PPP2R2B: variants seen among roughly 807,000 people sequenced by gnomAD.
The protein encoded by PPP2R2B is protein phosphatase 2 regulatory subunit Bbeta, also known as serine/threonine-protein phosphatase 2A 55 kDa regulatory subunit B beta isoform.
PPP2R2B carries 5 observed loss-of-function variants against 46.0 expected under a neutral mutation model. The ratio of observed to expected loss-of-function variants is 0.11; its 90% confidence interval spans 0.06 to 0.23. The LOEUF is 0.23. Ranked by LOEUF, PPP2R2B falls within the 10% of genes least tolerant of loss-of-function variation. The pLI is 1.00. For missense variants in PPP2R2B, 367 were observed against 575.0 expected (o/e 0.64, Z 3.70); for synonymous variants, 215 against 206.7 (o/e 1.04, Z -0.34).
At chr5:146,753,654 G>A (rs1287796588) in intron 2 of PPP2R2B, among the ~76,000 whole-genome samples, 1 of 152,122 alleles carries the variant, frequency 6.6e-6, no homozygotes, top group Non-Finnish European at 1.5e-5. Context: ...CTAAAGATAA[G>A]TGAGAAGTGG....
At chr5:146,951,974 CT>C (rs34746460) in intron 1 of PPP2R2B, among the ~76,000 whole-genome samples, 1,492 of 127,464 alleles carry the variant, frequency 0.012, 4 homozygotes, top group Middle Eastern at 0.018. Flanking sequence ...TACATAGAAT[CT>C]TTTTTTTTTT....
intron 7 of PPP2R2B, among the ~76,000 whole-genome samples, chr5:146,605,032 G>A (rs1772133145): frequency 6.6e-6 from 1 of 152,156 alleles, no homozygotes; most frequent in Admixed American, 6.5e-5. Flanking sequence ...AATCCAGGCT[G>A]GGCACAAGTC....
At chr5:146,936,008 C>T (rs1764127740) in intron 1 of PPP2R2B, among the ~76,000 whole-genome samples, 1 of 152,114 alleles carries the variant, frequency 6.6e-6, no homozygotes, top group South Asian at 2.1e-4. Context: ...CATATTTGTA[C>T]CTGGCAGATT....
chr5:146,882,830 A>G (rs2151423513), upstream of PPP2R2B, among the ~76,000 whole-genome samples: 1 of 152,346 alleles, frequency 6.6e-6, no homozygotes, highest in African/African-American at 2.4e-5. Flanking sequence ...ACTCTGAAAG[A>G]CTGACCTATT....
rs530249485 is a variant in PPP2R2B, at chr5:146,727,585, T to C, written c.71-26443A>G. 9.2e-5 allele frequency among the ~76,000 whole-genome samples: 14 copies of C among 152,220 alleles called. No individual in the cohort carries two copies. The South Asian group carries it at 2.7e-3, about 29-fold the overall frequency. On this transcript the variant is annotated intron_variant, in intron 2 of 9. Transcript: ENST00000394411. ...CCTATCAGGTAGAATGTACTCTATT[T>C]AGATAGGTGCAGTAACAGCCCGGAC...
At chr5:147,069,791 T>TTTTTTTG (rs1561611844) in intron 2 of PPP2R2B, among the ~76,000 whole-genome samples, 4 of 121,308 alleles carry the variant, frequency 3.3e-5, no homozygotes, top group Non-Finnish European at 5.1e-5. Context: ...TACTGTTTTT[T>TTTTTTTG]TTTTTTTTTT....
chr5:146,796,363 A>T (rs1388834262), intron 2 of PPP2R2B, among the ~76,000 whole-genome samples: 2 of 152,188 alleles, frequency 1.3e-5, no homozygotes, highest in Non-Finnish European at 2.9e-5. Context: ...CCTATGTGCA[A>T]TGCACTTTTT....
intron 1 of PPP2R2B, among the ~76,000 whole-genome samples, chr5:146,943,526 C>T (rs1394911335): frequency 6.6e-6 from 1 of 152,184 alleles, no homozygotes; most frequent in African/African-American, 2.4e-5. Flanking sequence ...CAGGGTTAAT[C>T]TTGACTCCAT....
intron 1 of PPP2R2B, among the ~76,000 whole-genome samples, chr5:146,891,272 CA>C (rs1281849528): frequency 2.0e-5 from 3 of 152,126 alleles, no homozygotes; most frequent in Admixed American, 1.3e-4. Context: ...ATTTGTGAAA[CA>C]AAGATTATAA....
At chr5:146,702,555 T>C (rs1779604863) in intron 2 of PPP2R2B, among the ~76,000 whole-genome samples, 1 of 152,228 alleles carries the variant, frequency 6.6e-6, no homozygotes, top group Admixed American at 6.5e-5. Context: ...CTTAAGCTGA[T>C]TGGGGCCATG....
chr5:146,820,441 T>C (rs1469031153), intron 2 of PPP2R2B, among the ~76,000 whole-genome samples: 2 of 152,200 alleles, frequency 1.3e-5, no homozygotes, highest in Admixed American at 1.3e-4. Flanking sequence ...TTCTCATTTG[T>C]GGATAATTGA....
chr5:146,624,867 T>G lies in PPP2R2B; in HGVS notation c.790+13384A>C, dbSNP rs189791881. Among the ~76,000 whole-genome samples the G allele has an allele frequency of 1.7e-3, 258 of 152,334 alleles. 4 individuals are homozygous for G. The highest frequency in any genetic ancestry group is 3.8e-4 in the Non-Finnish European group (26 of 68,032). On this transcript the variant is annotated intron_variant, in intron 7 of 9. Coordinates refer to ENST00000394411, the MANE Select transcript of PPP2R2B (RefSeq NM_181675.4). ...CTGTACACAGCCCAGCTGGTCATCTTTCTGCCCTGTGACCTGCCAAGCACT... is the reference window on the plus strand; with the variant it reads ...CTGTACACAGCCCAGCTGGTCATCTGTCTGCCCTGTGACCTGCCAAGCACT...
At chr5:146,851,064 T>C (rs1053249988) in intron 2 of PPP2R2B, among the ~76,000 whole-genome samples, 1 of 152,130 alleles carries the variant, frequency 6.6e-6, no homozygotes, top group Admixed American at 6.6e-5. Context: ...CTTTTTATCA[T>C]ATCGAAATGA....
intron 2 of PPP2R2B, among the ~76,000 whole-genome samples, chr5:146,836,598 CAG>C (rs1421427374): frequency 6.6e-6 from 1 of 152,184 alleles, no homozygotes; most frequent in Non-Finnish European, 1.5e-5. Flanking sequence ...TTCAGAGAGA[CAG>C]AGACTTTGAG....
chr5:146,837,551 G>A (rs1461852676), intron 2 of PPP2R2B, among the ~76,000 whole-genome samples: 2 of 152,202 alleles, frequency 1.3e-5, no homozygotes, highest in Non-Finnish European at 2.9e-5. Context: ...AGACACATAT[G>A]TGGTTTAAAA....
At chr5:146,717,907 C>T (rs1780584627) in intron 2 of PPP2R2B, among the ~76,000 whole-genome samples, 1 of 152,186 alleles carries the variant, frequency 6.6e-6, no homozygotes, top group Non-Finnish European at 1.5e-5. Context: ...GCTTGAACAA[C>T]AGCACTTCCT....
At chr5:146,906,587 G>T (rs1763006282) in intron 1 of PPP2R2B, among the ~76,000 whole-genome samples, 1 of 152,222 alleles carries the variant, frequency 6.6e-6, no homozygotes, top group Admixed American at 6.5e-5. Flanking sequence ...CTCCCAAAGT[G>T]CTGGGATTAC....
intron 1 of PPP2R2B, among the ~76,000 whole-genome samples, chr5:146,912,256 A>AAG (rs2151806542): frequency 6.6e-6 from 1 of 151,190 alleles, no homozygotes; most frequent in African/African-American, 2.4e-5. Context: ...AAAAAAAAAA[A>AAG]AAAAAGTTCC....
chr5:146,793,711 C>T (rs925604103), intron 2 of PPP2R2B, among the ~76,000 whole-genome samples: 32 of 152,088 alleles, frequency 2.1e-4, no homozygotes, highest in African/African-American at 7.7e-4. Flanking sequence ...TGCCTATTCC[C>T]AAGTGGAATT....
Sources: allele counts gnomAD v4.1 joint callset (sites outside exome capture counted in the v4.1 genomes callset), GRCh38; gene constraint gnomAD v4.1.1; transcripts MANE v1.5; gene names NCBI Gene and HGNC (gene_info 2026-07-23, HGNC 2026-07-21).